The following SH3KBP1 variants were observed in gnomAD, a reference collection of about 807,000 sequenced individuals.
The protein encoded by SH3KBP1 is SH3 domain containing kinase binding protein 1.
Under a neutral mutation model 50.1 loss-of-function variants are expected in SH3KBP1, and 8 were observed. That is an observed-to-expected ratio of 0.16 (90% CI 0.09 to 0.29). The LOEUF (loss-of-function observed/expected upper bound fraction) is 0.29. Ranked by LOEUF, SH3KBP1 falls within the 10% of genes least tolerant of loss-of-function variation. The pLI is 1.00. For missense variants in SH3KBP1, 377 were observed against 535.2 expected, an observed-to-expected ratio of 0.70 and a Z score of 2.92; for synonymous variants, 227 against 218.6, an observed-to-expected ratio of 1.04 and a Z score of -0.34.
At chrX:19,871,286 T>C (rs1367477681) in intron 1 of SH3KBP1, among the ~76,000 whole-genome samples, 1 of 112,343 alleles carries the variant, frequency 8.9e-6, no homozygotes, top group East Asian at 2.8e-4. Flanking sequence ...AAACTCTAGA[T>C]ATGTTTGAGG....
intron 2 of SH3KBP1, among the ~76,000 whole-genome samples, chrX:19,793,429 C>T (rs1009433016): frequency 2.7e-5 from 3 of 109,984 alleles, no homozygotes; most frequent in East Asian, 5.6e-4. Flanking sequence ...CTTTTCTAGC[C>T]GTGAAGCCTC....
intron 13 of SH3KBP1, among the ~76,000 whole-genome samples, chrX:19,554,610 C>T (rs903975381): frequency 4.6e-5 from 5 of 109,195 alleles, no homozygotes; most frequent in African/African-American, 1.3e-4. Context: ...CCATGTTGGC[C>T]GGGCTGGTCT....
chrX:19,766,594 T>C (rs2148877447), intron 2 of SH3KBP1, among the ~76,000 whole-genome samples: 1 of 90,046 alleles, frequency 1.1e-5, no homozygotes, highest in East Asian at 4.0e-4. Flanking sequence ...AAGCTCCGCC[T>C]CCCAGTTTAC....
In SH3KBP1 at chrX:19,692,624, C is replaced by CGTGTGTGTGT. The variant is rs534431997; in HGVS notation, c.520+2978_520+2987dup. ...ATATACATATACACATATATACATA[C>CGTGTGTGTGT]GTGTGTGTGTGTGTGTGTGTGTGTG... On this transcript the variant is annotated intron_variant, in intron 5 of 17. Transcript: ENST00000397821. Among the ~76,000 whole-genome samples, 8 of 68,688 alleles carry CGTGTGTGTGT rather than the reference C, an allele frequency of 1.2e-4. No homozygotes were observed. In the East Asian group the frequency reaches 1.4e-3, roughly 12 times the overall value. The allele number at this position is 68,688 out of a possible 115,157, so 59.6% of individuals were successfully genotyped here.
At chrX:19,847,357 C>T (rs2068391561) in intron 1 of SH3KBP1, among the ~76,000 whole-genome samples, 1 of 111,473 alleles carries the variant, frequency 9.0e-6, no homozygotes, top group Non-Finnish European at 1.9e-5. Flanking sequence ...CATCTTCCTC[C>T]CTCAAGTGCT....
At chrX:19,555,264 G>A (rs191371532) in intron 13 of SH3KBP1, among the ~76,000 whole-genome samples, 8 of 112,345 alleles carry the variant, frequency 7.1e-5, no homozygotes, top group Admixed American at 1.9e-4. Flanking sequence ...GCAGACATAC[G>A]GGGATAATTC....
chrX:19,637,338 GA>G (rs1323255994), intron 7 of SH3KBP1, among the ~76,000 whole-genome samples: 1 of 112,239 alleles, frequency 8.9e-6, no homozygotes, highest in Non-Finnish European at 1.9e-5. Context: ...TAAGGGTGTG[GA>G]CTTCTATCAT....
At chrX:19,768,514 T>C (rs778706676) in intron 2 of SH3KBP1, among the ~76,000 whole-genome samples, 6 of 95,433 alleles carry the variant, frequency 6.3e-5, no homozygotes, top group Admixed American at 2.5e-4. Context: ...GCACATACCA[T>C]GGGCATCCTA....
chrX:19,581,603 T>TTATTTCCTGC (rs1162584182), intron 12 of SH3KBP1, among the ~76,000 whole-genome samples: 11 of 111,526 alleles, frequency 9.9e-5, no homozygotes, highest in African/African-American at 3.3e-4. Context: ...ACCTGGAAGC[T>TTATTTCCTGC]TATTTCCTGC....
At chrX:19,585,259 C>T (rs920859494) in intron 12 of SH3KBP1, among the ~76,000 whole-genome samples, 4 of 111,329 alleles carry the variant, frequency 3.6e-5, no homozygotes, top group African/African-American at 1.3e-4. Flanking sequence ...CTGGGAAGGA[C>T]GACAGGAGAG....
intron 13 of SH3KBP1, among the ~76,000 whole-genome samples, chrX:19,551,608 A>C (rs1313684965): frequency 2.0e-5 from 2 of 101,243 alleles, no homozygotes; most frequent in African/African-American, 7.7e-5. Context: ...GCAGTGGCAC[A>C]ATCTTGGCTC....
intron 1 of SH3KBP1, among the ~76,000 whole-genome samples, chrX:19,855,273 C>T (rs2068615415): frequency 8.9e-6 from 1 of 111,745 alleles, no homozygotes; most frequent in South Asian, 3.7e-4. Flanking sequence ...CATAAGCTAC[C>T]ATGCCCCGCC....
chrX:19,774,107 T>C (rs944535600), intron 2 of SH3KBP1, among the ~76,000 whole-genome samples: 7 of 110,556 alleles, frequency 6.3e-5, no homozygotes, highest in African/African-American at 2.3e-4. Flanking sequence ...AGCTGCCCTG[T>C]CACCAAGGTC....
intron 5 of SH3KBP1, among the ~76,000 whole-genome samples, chrX:19,691,638 T>C (rs924034415): frequency 9.2e-6 from 1 of 109,215 alleles, no homozygotes; most frequent in African/African-American, 3.3e-5. Context: ...GAAGGAGAAA[T>C]CTATAGATTC....
chrX:19,606,823 TA>T (rs1231901231), intron 9 of SH3KBP1, among the ~76,000 whole-genome samples: 1 of 111,655 alleles, frequency 9.0e-6, no homozygotes, highest in African/African-American at 3.3e-5. Flanking sequence ...TAGGAAACAT[TA>T]AGAACCAGAA....
intron 12 of SH3KBP1, among the ~76,000 whole-genome samples, chrX:19,583,927 CATTTAT>C (rs1453818378): frequency 1.2e-4 from 11 of 93,763 alleles, no homozygotes; most frequent in African/African-American, 3.9e-4. Context: ...AAATATATAT[CATTTAT>C]ATTTATATTT....
At chrX:19,688,408 G>A (rs2063213870) in intron 5 of SH3KBP1, among the ~76,000 whole-genome samples, 1 of 112,080 alleles carries the variant, frequency 8.9e-6, no homozygotes, top group Non-Finnish European at 1.9e-5. Flanking sequence ...TGCTGTGTCA[G>A]TCATGAAACT....
intron 1 of SH3KBP1, among the ~76,000 whole-genome samples, chrX:19,881,694 C>G (rs1038185545): frequency 1.8e-5 from 2 of 111,362 alleles, no homozygotes; most frequent in African/African-American, 6.6e-5. Flanking sequence ...ATAGGCGACA[C>G]CTGAATTGGC....
intron 6 of SH3KBP1, among the ~76,000 whole-genome samples, chrX:19,666,275 A>G (rs974934194): frequency 8.9e-6 from 1 of 111,839 alleles, no homozygotes; most frequent in Non-Finnish European, 1.9e-5. Flanking sequence ...TAACAGTTGC[A>G]CAAAAGATAA....
Sources: allele counts gnomAD v4.1 joint callset (sites outside exome capture counted in the v4.1 genomes callset), GRCh38; gene constraint gnomAD v4.1.1; transcripts MANE v1.5; gene names NCBI Gene and HGNC (gene_info 2026-07-23, HGNC 2026-07-21).